ARHGAP39: variants seen among roughly 807,000 people sequenced by gnomAD.
ARHGAP39 encodes Rho GTPase activating protein 39, also known as rho GTPase-activating protein 39.
A neutral mutation model predicts 106.9 loss-of-function variants in ARHGAP39; 44 were observed. That is an observed-to-expected ratio of 0.41 (90% CI 0.32 to 0.53). The LOEUF is 0.53. Among genes scored for constraint, ARHGAP39 ranks in the 20% least tolerant of loss-of-function variants. The pLI is 0.21. For missense variants in ARHGAP39, 1,496 were observed against 1,577.3 expected, an observed-to-expected ratio of 0.95 and a Z score of 0.87; for synonymous variants, 768 against 693.2, an observed-to-expected ratio of 1.11 and a Z score of -1.69.
At chr8:144,611,126 G>C (rs983403298) in intron 1 of ARHGAP39, among the ~76,000 whole-genome samples, 2 of 152,174 alleles carry the variant, frequency 1.3e-5, no homozygotes, top group South Asian at 2.1e-4. Flanking sequence ...GCCTCAGAAA[G>C]CTTTCTAACC....
rs1822092236 is a variant in ARHGAP39 at position 144,671,197 on chromosome 8, A to C, written c.-82+14489T>G. The stretch of plus-strand genomic sequence containing the variant: ...CCATGCCAGGCTCTGCGGGTCACTG[A>C]CAAGAGTCTCTGCCCTGCAGCATCT... On this transcript the variant is annotated intron_variant, in intron 1 of 11. Transcript: ENST00000377307. This position sits in a 1 kb window ranked among gnomAD's most constrained non-coding sequence, Gnocchi z 4.5. Among the ~76,000 whole-genome samples the C allele has an allele frequency of 6.6e-6, 1 of 152,228 alleles. No homozygotes were observed.
intron 2 of ARHGAP39, among the ~76,000 whole-genome samples, chr8:144,582,777 G>C (rs1819041754): frequency 6.6e-6 from 1 of 152,136 alleles, no homozygotes; most frequent in African/African-American, 2.4e-5. Flanking sequence ...GTGAGAGAAG[G>C]GGCACCCTGG....
Position 144,555,540 on chromosome 8 carries a change from G to A in ARHGAP39, c.596+20C>T, listed in dbSNP as rs370201910. On this transcript the variant is annotated intron_variant, in intron 4 of 11. Transcript: ENST00000377307. ...GCCGCCCTCCATCACAAACGGCCAC[G>A]CCTGAGAGATGGGTTCTACCTGTAG... 63 of 1,609,586 alleles carry A rather than the reference G, an allele frequency of 3.9e-5. No homozygotes were observed. The African/African-American group carries it at 4.4e-4, about 11-fold the overall frequency.
chr8:144,607,348 C>A (rs1251782811), intron 1 of ARHGAP39, among the ~76,000 whole-genome samples: 1 of 151,956 alleles, frequency 6.6e-6, no homozygotes, highest in Non-Finnish European at 1.5e-5. Context: ...GAAATCAGAA[C>A]CCATGGCCTC....
At chr8:144,566,176 A>G (rs1022990670) in intron 3 of ARHGAP39, among the ~76,000 whole-genome samples, 1 of 152,338 alleles carries the variant, frequency 6.6e-6, no homozygotes, top group Middle Eastern at 3.4e-3. Context: ...TGAGAGGTCC[A>G]AGAAGCTACA....
In ARHGAP39 at chr8:144,607,650, G is replaced by C. The variant is rs372186107; in HGVS notation, c.-81-1955C>G. ...AATAAAAAAGACTCAAGCCCCAGAA[G>C]AGAGCACAGCAGGTGACGGGAAGGG... On this transcript the variant is annotated intron_variant, in intron 1 of 11. Coordinates refer to ENST00000377307, the MANE Select transcript of ARHGAP39 (RefSeq NM_025251.3). 1.2e-4 allele frequency among the ~76,000 whole-genome samples: 18 copies of C among 152,238 alleles called. No individual in the cohort carries two copies. In the South Asian group the frequency reaches 3.7e-3, roughly 32 times the overall value.
chr8:144,599,814 C>T (rs957614480), intron 2 of ARHGAP39, among the ~76,000 whole-genome samples: 18 of 152,180 alleles, frequency 1.2e-4, no homozygotes, highest in African/African-American at 4.3e-4. Context: ...GCAAATGAAC[C>T]CTGGCTTTTT....
In ARHGAP39 at chr8:144,533,109, C is replaced by T. The variant is rs755381629; in HGVS notation, c.2888+17G>A. On this transcript the variant is annotated intron_variant, in intron 9 of 11. Transcript: ENST00000377307. The stretch of plus-strand genomic sequence containing the variant: ...GGCTGTGGCCCCCACACCCGGCGCC[C>T]GGGGTTGCCGTGGCACCTGAAGATG... 22 of 1,592,042 alleles carry T rather than the reference C, an allele frequency of 1.4e-5. No homozygotes were observed. The highest frequency in any genetic ancestry group is 1.1e-4 in the East Asian group (5 of 44,538).
chr8:144,561,748 G>A (rs111875126), intron 3 of ARHGAP39, among the ~76,000 whole-genome samples: 1,790 of 141,306 alleles, frequency 0.013, 34 homozygotes, highest in African/African-American at 0.048. Context: ...GGTTTCCATC[G>A]GACTTAATCC....
chr8:144,534,636 C>T (rs1816881641), intron 7 of ARHGAP39, among the ~76,000 whole-genome samples: 2 of 152,234 alleles, frequency 1.3e-5, no homozygotes. Context: ...TCCACCTACC[C>T]AGCACCCGCA....
chr8:144,598,670 G>A (rs915052589), intron 2 of ARHGAP39, among the ~76,000 whole-genome samples: 3 of 152,230 alleles, frequency 2.0e-5, no homozygotes, highest in Non-Finnish European at 1.5e-5. Context: ...GAGACCCAAA[G>A]GCAAAAACAA....
In ARHGAP39 at chr8:144,547,662, C is replaced by A; in HGVS notation, c.1424G>T (p.Trp475Leu). 1 of 1,557,322 alleles carries A rather than the reference C, an allele frequency of 6.4e-7. No homozygotes were observed. The highest frequency in any genetic ancestry group is 8.7e-7 in the Non-Finnish European group (1 of 1,155,260). ...LPQAQEDAMS[W>L]SSQQDTLSST... The stretch of plus-strand genomic sequence containing the variant: ...GGACAGGGTGTCCTGCTGGCTGGAC[C>A]AGGACATGGCATCCTCCTGGGCCTG... Residue 475 changes from tryptophan to leucine, a missense_variant, in exon 5 of 12, where the codon TGG becomes TTG. Transcript: ENST00000377307. The surrounding 1 kb of genome is among the most constrained non-coding windows in gnomAD (Gnocchi z 5.2).
chr8:144,582,226 A>G (rs1819018735), intron 2 of ARHGAP39, among the ~76,000 whole-genome samples: 1 of 152,158 alleles, frequency 6.6e-6, no homozygotes, highest in African/African-American at 2.4e-5. Context: ...CCCCCAGGTC[A>G]AGGACAGAAA....
At chr8:144,657,593 T>C (rs1381007385) in intron 1 of ARHGAP39, among the ~76,000 whole-genome samples, 1 of 152,156 alleles carries the variant, frequency 6.6e-6, no homozygotes, top group Non-Finnish European at 1.5e-5. Flanking sequence ...ATCCTTAAAA[T>C]TTAAAAACTT....
At chr8:144,605,504 G>T in intron 2 of ARHGAP39, 31 bp downstream of exon 2, 1 of 1,611,472 alleles carries the variant, frequency 6.2e-7, no homozygotes, top group Non-Finnish European at 8.5e-7. Flanking sequence ...CGTGAGGCCC[G>T]GGCAGCTCCG....
At chr8:144,601,790 T>TGA (rs2130935026) in intron 2 of ARHGAP39, among the ~76,000 whole-genome samples, 1 of 127,372 alleles carries the variant, frequency 7.9e-6, no homozygotes, top group East Asian at 2.8e-4. Flanking sequence ...CATGCGTGTG[T>TGA]GCTAATGTAC....
At chr8:144,538,646 C>T (rs1405035462) in intron 6 of ARHGAP39, among the ~76,000 whole-genome samples, 3 of 152,188 alleles carry the variant, frequency 2.0e-5, no homozygotes, top group Non-Finnish European at 4.4e-5. Flanking sequence ...AACCTCCACC[C>T]ACCGCAGCCT....
rs1005155687 is a variant in ARHGAP39, at chr8:144,593,915, C to A, written c.80+11620G>T. ...ACCAGTTTGGCCAACATGGTGAAAC[C>A]CCATCTCTACTAAAAATATAAAAAT... On this transcript the variant is annotated intron_variant, in intron 2 of 11. Transcript: ENST00000377307. Among the ~76,000 whole-genome samples the A allele has an allele frequency of 2.6e-5, 4 of 151,980 alleles. No homozygotes were observed. The South Asian group carries it at 8.3e-4, about 32-fold the overall frequency.
chr8:144,588,333 C>T (rs1335485259), intron 2 of ARHGAP39, among the ~76,000 whole-genome samples: 1 of 152,256 alleles, frequency 6.6e-6, no homozygotes, highest in African/African-American at 2.4e-5. Flanking sequence ...GGCACAAAAC[C>T]AACGGTGATG....
Sources: allele counts gnomAD v4.1 joint callset (sites outside exome capture counted in the v4.1 genomes callset), GRCh38; gene constraint gnomAD v4.1.1; non-coding constraint Gnocchi (gnomAD v3.1); transcripts MANE v1.5; gene names NCBI Gene and HGNC (gene_info 2026-07-23, HGNC 2026-07-21).